The following RBFOX1 variants were observed in gnomAD, a reference collection of about 807,000 sequenced individuals.
The protein encoded by RBFOX1 is RNA binding fox-1 homolog 1, also known as RNA binding protein fox-1 homolog 1.
A neutral mutation model predicts 57.7 loss-of-function variants in RBFOX1; 8 were observed. The observed-to-expected ratio is 0.14, with a 90% CI of 0.08 to 0.25. The LOEUF is 0.25. RBFOX1 is among the 10% of genes least tolerant of loss of function. The probability of loss-of-function intolerance (pLI) is 1.00; values close to 1 mark genes in which losing one functional copy is unlikely to be tolerated. For synonymous variants in RBFOX1, 326 were observed against 222.4 expected, an observed-to-expected ratio of 1.47 and a Z score of -4.15; for missense variants, 611 against 548.5, an observed-to-expected ratio of 1.11 and a Z score of -1.14.
intron 4 of RBFOX1, among the ~76,000 whole-genome samples, chr16:7,217,311 A>C (rs1346760599): frequency 7.1e-5 from 1 of 14,076 alleles, no homozygotes; most frequent in Non-Finnish European, 1.6e-4. Context: ...TTTTTTTTTT[A>C]GTAGAGATGG....
intron 3 of RBFOX1, among the ~76,000 whole-genome samples, chr16:6,772,345 A>C (rs1250614177): frequency 6.6e-6 from 1 of 152,074 alleles, no homozygotes. Flanking sequence ...CTATCCAAAT[A>C]ATTTATTTAT....
In RBFOX1 at chr16:6,749,426, A is replaced by C. The variant is rs904070202; in HGVS notation, c.-16+94776A>C. Among the ~76,000 whole-genome samples, 39 of 152,154 alleles carry C rather than the reference A, an allele frequency of 2.6e-4. 1 individual carries two copies. The highest frequency in any genetic ancestry group is 5.4e-4 in the Non-Finnish European group (37 of 68,024). Reference sequence around the variant, plus strand: ...GAGATGGACCCTGGTTCTTGCTGTTACGGTCACTCAGGCAATTTATACTCA... The same window carrying C: ...GAGATGGACCCTGGTTCTTGCTGTTCCGGTCACTCAGGCAATTTATACTCA... On this transcript the variant is annotated intron_variant, in intron 3 of 15. Transcript: ENST00000550418.
intron 4 of RBFOX1, among the ~76,000 whole-genome samples, chr16:7,180,494 A>G (rs2082487560): frequency 6.6e-6 from 1 of 152,132 alleles, no homozygotes; most frequent in South Asian, 2.1e-4. Flanking sequence ...TTTATGCACT[A>G]GTATTCATTT....
intron 4 of RBFOX1, among the ~76,000 whole-genome samples, chr16:7,268,422 C>A (rs1044237469): frequency 1.3e-5 from 2 of 152,186 alleles, no homozygotes; most frequent in African/African-American, 2.4e-5. Flanking sequence ...GAGTTACTTG[C>A]TCTCTGGGAG....
chr16:6,226,157 C>T (rs1051899887), intron 1 of RBFOX1, among the ~76,000 whole-genome samples: 5 of 144,356 alleles, frequency 3.5e-5, no homozygotes, highest in South Asian at 2.2e-4. Context: ...GTCAGGAATT[C>T]GAGACCAGCC....
chr16:6,716,849 A>C (rs972510830), intron 3 of RBFOX1, among the ~76,000 whole-genome samples: 4 of 152,162 alleles, frequency 2.6e-5, no homozygotes. Context: ...TGAGTGTAAT[A>C]AACTGAATGT....
chr16:6,545,125 G>T (rs902383466), intron 2 of RBFOX1, among the ~76,000 whole-genome samples: 1 of 152,024 alleles, frequency 6.6e-6, no homozygotes, highest in Non-Finnish European at 1.5e-5. Flanking sequence ...CTAAAAATCC[G>T]CGTACTTTTT....
intron 4 of RBFOX1, among the ~76,000 whole-genome samples, chr16:7,462,237 G>T (rs546479910): frequency 6.6e-6 from 1 of 152,200 alleles, no homozygotes; most frequent in South Asian, 2.1e-4. Flanking sequence ...AATGGCTGCT[G>T]TAACAAATCA....
At chr16:6,157,030 C>A (rs1237864576) in intron 1 of RBFOX1, among the ~76,000 whole-genome samples, 1 of 151,892 alleles carries the variant, frequency 6.6e-6, no homozygotes, top group Non-Finnish European at 1.5e-5. Flanking sequence ...GAGATGGGGT[C>A]TTGCTATGTT....
At chr16:5,617,002 A>G (rs1396298885) in intron 3 of RBFOX1, among the ~76,000 whole-genome samples, 1 of 151,602 alleles carries the variant, frequency 6.6e-6, no homozygotes, top group Non-Finnish European at 1.5e-5. Context: ...GCCGGAGGGC[A>G]GTTCCTGAGT....
chr16:6,886,803 A>G (rs118093599), intron 3 of RBFOX1, among the ~76,000 whole-genome samples: 1,838 of 152,184 alleles, frequency 0.012, 22 homozygotes, highest in Non-Finnish European at 0.02. Flanking sequence ...ACCAGAAAAA[A>G]AAAGAATGAA....
At chr16:6,309,261 C>G (rs895176878) in intron 1 of RBFOX1, among the ~76,000 whole-genome samples, 3 of 152,092 alleles carry the variant, frequency 2.0e-5, no homozygotes, top group Admixed American at 6.5e-5. Flanking sequence ...TTACACACAC[C>G]CTGTTATCTC....
intron 4 of RBFOX1, among the ~76,000 whole-genome samples, chr16:5,890,261 C>G (rs974840893): frequency 6.6e-6 from 1 of 152,170 alleles, no homozygotes; most frequent in Admixed American, 6.5e-5. Context: ...TAGTAATGCT[C>G]TCTCCTTAGC....
At chr16:7,231,547 A>G (rs2093492912) in intron 4 of RBFOX1, among the ~76,000 whole-genome samples, 2 of 152,240 alleles carry the variant, frequency 1.3e-5, no homozygotes, top group Non-Finnish European at 2.9e-5. Context: ...AGATGCCTAA[A>G]GGAAAGAATT....
intron 1 of RBFOX1, among the ~76,000 whole-genome samples, chr16:6,183,647 G>A (rs1302218213): frequency 6.6e-6 from 1 of 152,082 alleles, no homozygotes; most frequent in African/African-American, 2.4e-5. Context: ...GTGAGGAAAA[G>A]ATTCACGTGG....
chr16:5,636,369 A>C (rs893010806), intron 3 of RBFOX1, among the ~76,000 whole-genome samples: 1 of 152,154 alleles, frequency 6.6e-6, no homozygotes, highest in Non-Finnish European at 1.5e-5. Flanking sequence ...AATAAATAAA[A>C]ATTAAAAAAC....
At chr16:7,449,722 G>GTC (rs2098836223) in intron 4 of RBFOX1, among the ~76,000 whole-genome samples, 1 of 96,640 alleles carries the variant, frequency 1.0e-5, no homozygotes, top group African/African-American at 4.3e-5. Flanking sequence ...GTATGTGTGT[G>GTC]TGTGTGTGGG....
At chr16:6,994,408 A>G (rs560489315) in intron 3 of RBFOX1, among the ~76,000 whole-genome samples, 3 of 152,334 alleles carry the variant, frequency 2.0e-5, no homozygotes, top group Admixed American at 1.3e-4. Flanking sequence ...TGCATGGGCA[A>G]TGCTTCAGGC....
intron 2 of RBFOX1, chr16:6,483,377 G>A: frequency 1.3e-6 from 2 of 1,519,728 alleles, no homozygotes; most frequent in Non-Finnish European, 1.8e-6. Flanking sequence ...GGCGCGCGGC[G>A]CGCACGACAG....
Sources: allele counts gnomAD v4.1 joint callset (sites outside exome capture counted in the v4.1 genomes callset), GRCh38; gene constraint gnomAD v4.1.1; transcripts MANE v1.5; gene names NCBI Gene and HGNC (gene_info 2026-07-23, HGNC 2026-07-21).